Variants in GLI2 observed in about 807,000 individuals in gnomAD.
The protein encoded by GLI2 is GLI family zinc finger 2.
Under a neutral mutation model 78.9 loss-of-function variants are expected in GLI2, and 22 were observed. That is an observed-to-expected ratio of 0.28 (90% CI 0.20 to 0.40). The LOEUF is 0.40. GLI2 is among the 10% of genes least tolerant of loss of function. GLI2 has a pLI of 1.00. For synonymous variants in GLI2, 974 were observed against 963.7 expected (o/e 1.01, Z -0.20); for missense variants, 2,097 against 2,213.2 (o/e 0.95, Z 1.05).
chr2:120,738,822 C>T (rs71424360), intron 1 of GLI2, among the ~76,000 whole-genome samples: 29 of 152,316 alleles, frequency 1.9e-4, no homozygotes, highest in Non-Finnish European at 2.6e-4. Flanking sequence ...CAGAGACTTC[C>T]GGGCTGCTCC....
intron 2 of GLI2, among the ~76,000 whole-genome samples, chr2:120,799,287 G>T (rs1043758255): frequency 2.0e-5 from 3 of 152,096 alleles, no homozygotes; most frequent in African/African-American, 7.2e-5. Context: ...TGCCCACCCC[G>T]CAGGCCCTTG....
At chr2:120,879,013 G>A (rs933931755) in intron 2 of GLI2, among the ~76,000 whole-genome samples, 2 of 152,144 alleles carry the variant, frequency 1.3e-5, no homozygotes, top group African/African-American at 4.8e-5. Flanking sequence ...ATCCTCAGAA[G>A]CTCAGTCTGC....
In GLI2 at chr2:120,992,007, T is replaced by TACACAC. The variant is rs59277032; in HGVS notation, c.*1371_*1376dup. ...GTGAATTGGTGCATCTTCCCCACCA[T>TACACAC]ACACACACACACACACACACACACA... On this transcript the variant is annotated 3_prime_UTR_variant, in exon 14 of 14. Transcript: ENST00000361492. 23,099 of 129,886 alleles carry TACACAC rather than the reference T, an allele frequency of 0.18. 2,278 individuals are homozygous for TACACAC. Among genetic ancestry groups the TACACAC allele is most frequent in the Middle Eastern group, 0.22 (54 of 246 alleles). 8.0% of individuals were successfully genotyped at this position (129,886 alleles called of 1,614,324 possible).
chr2:120,875,672 A>T (rs957775657), intron 2 of GLI2, among the ~76,000 whole-genome samples: 2 of 152,168 alleles, frequency 1.3e-5, no homozygotes, highest in Admixed American at 1.3e-4. Flanking sequence ...GTTATTACCT[A>T]TAAATTCTGG....
intron 10 of GLI2, among the ~76,000 whole-genome samples, chr2:120,979,540 T>C (rs1241642607): frequency 6.6e-6 from 1 of 152,206 alleles, no homozygotes; most frequent in African/African-American, 2.4e-5. Context: ...GTGTCCAGGA[T>C]CCAATGAAAT....
At chr2:120,775,650 C>T (rs930635439) in intron 1 of GLI2, among the ~76,000 whole-genome samples, 4 of 152,244 alleles carry the variant, frequency 2.6e-5, no homozygotes, top group Non-Finnish European at 4.4e-5. Flanking sequence ...TAGGGAATGG[C>T]CTTCCTAGTT....
intron 2 of GLI2, among the ~76,000 whole-genome samples, chr2:120,843,506 A>T (rs1287163261): frequency 1.3e-5 from 2 of 152,240 alleles, no homozygotes; most frequent in Non-Finnish European, 2.9e-5. Flanking sequence ...GGTGCCGTTT[A>T]AGGACATTAT....
intron 2 of GLI2, among the ~76,000 whole-genome samples, chr2:120,830,998 G>A (rs1312503964): frequency 7.9e-5 from 8 of 101,190 alleles, no homozygotes; most frequent in Non-Finnish European, 1.3e-4. Flanking sequence ...TTTTTTTTTT[G>A]CCTGTTTGGT....
At chr2:120,942,782 G>A (rs926086737) in intron 3 of GLI2, among the ~76,000 whole-genome samples, 7 of 152,030 alleles carry the variant, frequency 4.6e-5, no homozygotes, top group Non-Finnish European at 7.3e-5. Flanking sequence ...CCCTGGACAC[G>A]CTCCCTGCTT....
chr2:120,809,948 C>G (rs1012897196), intron 2 of GLI2, among the ~76,000 whole-genome samples: 12 of 152,196 alleles, frequency 7.9e-5, no homozygotes, highest in African/African-American at 2.7e-4. Flanking sequence ...GTGGCAGGCT[C>G]TGCAGTGGTG....
chr2:120,899,062 C>T lies in GLI2; in HGVS notation c.149-28299C>T, dbSNP rs77939480. On this transcript the variant is annotated intron_variant, in intron 2 of 13. Coordinates refer to ENST00000361492, the MANE Select transcript of GLI2 (RefSeq NM_001374353.1). ...CCTGGCTGCTCACGCATTTACGCCT[C>T]TCTCCAAACACTGGGTCCTTCACTG... is the stretch of plus-strand genomic sequence containing the variant. 2.9e-4 allele frequency among the ~76,000 whole-genome samples: 44 copies of T among 152,302 alleles called. No homozygotes were observed. The East Asian group carries it at 7.4e-3, about 25-fold the overall frequency.
chr2:120,930,028 C>T (rs528846666), intron 3 of GLI2, among the ~76,000 whole-genome samples: 24 of 152,198 alleles, frequency 1.6e-4, no homozygotes, highest in Non-Finnish European at 2.6e-4. Flanking sequence ...TTCCATGACA[C>T]GGATCCTGGG....
chr2:120,912,886 G>A (rs1046808596), intron 2 of GLI2, among the ~76,000 whole-genome samples: 9 of 152,188 alleles, frequency 5.9e-5, no homozygotes, highest in Non-Finnish European at 1.0e-4. Context: ...GGTGTGGAAG[G>A]GTGGGGAGAG....
chr2:120,931,575 A>G (rs765866610), intron 3 of GLI2, among the ~76,000 whole-genome samples: 2 of 152,232 alleles, frequency 1.3e-5, no homozygotes, highest in African/African-American at 4.8e-5. Context: ...GGAGTCTGGC[A>G]TCAGCCTGTA....
Position 120,741,658 on chromosome 2 carries a change from C to T in GLI2, c.-31+5373C>T, listed in dbSNP as rs572582083. Among the ~76,000 whole-genome samples, 425 of 152,218 alleles carry T rather than the reference C, an allele frequency of 2.8e-3. 2 individuals are homozygous for T. The highest frequency in any genetic ancestry group is 9.6e-3 in the African/African-American group (400 of 41,550). On this transcript the variant is annotated intron_variant, in intron 1 of 13. Transcript: ENST00000361492. ...TCTGGACCTTCCTCTCCCTCCGCGCCGGCTTTTCCGCCACGCGGAGCGCTG... is the reference window on the plus strand; with the variant it reads ...TCTGGACCTTCCTCTCCCTCCGCGCTGGCTTTTCCGCCACGCGGAGCGCTG...
intron 2 of GLI2, among the ~76,000 whole-genome samples, chr2:120,827,045 C>T (rs1686101102): frequency 3.3e-5 from 5 of 152,170 alleles, no homozygotes; most frequent in Admixed American, 3.3e-4. Flanking sequence ...TGCTGTGTCC[C>T]CAGCTCCTAG....
chr2:120,775,808 G>T (rs1333145682), intron 1 of GLI2, among the ~76,000 whole-genome samples: 2 of 152,188 alleles, frequency 1.3e-5, no homozygotes, highest in Non-Finnish European at 2.9e-5. Flanking sequence ...GTGTTCCCCT[G>T]GGGGGAATGT....
chr2:120,853,055 A>ATCGC (rs1553456907), intron 2 of GLI2, among the ~76,000 whole-genome samples: 1 of 152,166 alleles, frequency 6.6e-6, no homozygotes, highest in Non-Finnish European at 1.5e-5. Context: ...CCTCGACATG[A>ATCGC]TCGCTCAGGA....
At chr2:120,779,109 G>A (rs111903112) in intron 1 of GLI2, among the ~76,000 whole-genome samples, 2 of 152,320 alleles carry the variant, frequency 1.3e-5, no homozygotes, top group East Asian at 1.9e-4. Flanking sequence ...GGTAATATCC[G>A]CTGTGCACTG....
Sources: gnomAD v4.1 joint callset for allele counts (sites outside exome capture counted in the v4.1 genomes callset) on GRCh38, gnomAD v4.1.1 for gene constraint, MANE v1.5 for transcripts, NCBI Gene and HGNC (gene_info 2026-07-23, HGNC 2026-07-21) for gene names.